Variants in MCF2L observed in about 807,000 individuals in gnomAD.
MCF2L encodes MCF.2 cell line derived transforming sequence like, also known as guanine nucleotide exchange factor DBS.
MCF2L carries 97 observed loss-of-function variants against 153.4 expected under a neutral mutation model. That is an observed-to-expected ratio of 0.63 (90% CI 0.54 to 0.75). The LOEUF (loss-of-function observed/expected upper bound fraction) is 0.75. MCF2L is among the 30% of genes least tolerant of loss of function. The pLI, the probability that MCF2L is intolerant of heterozygous loss-of-function variation, is 0.00. For missense variants in MCF2L, 1,347 were observed against 1,495.2 expected, an observed-to-expected ratio of 0.90 and a Z score of 1.64; for synonymous variants, 659 against 632.2, an observed-to-expected ratio of 1.04 and a Z score of -0.64.
At chr13:113,063,932 T>C (rs979477400) in intron 5 of MCF2L, 4 of 433,848 alleles carry the variant, frequency 9.2e-6, no homozygotes, top group African/African-American at 8.0e-5. Context: ...GGAGCCGTTG[T>C]GCAGGGGAGC....
chr13:113,018,689 G>A (rs9549639), intron 2 of MCF2L, among the ~76,000 whole-genome samples: 43,706 of 152,100 alleles, frequency 0.29, 6,790 homozygotes, highest in South Asian at 0.47. Context: ...AAAACAGGGC[G>A]GGAGAATTTA....
intron 3 of MCF2L, 90 bp downstream of exon 3, chr13:113,024,848 T>C (rs1375748759): frequency 1.5e-5 from 15 of 978,664 alleles, no homozygotes; most frequent in Non-Finnish European, 2.3e-5. Context: ...AACTATGGGA[T>C]GAGGCAGAGT....
intron 2 of MCF2L, among the ~76,000 whole-genome samples, chr13:112,937,836 TCTGAGGTG>T (rs2081531555): frequency 1.4e-5 from 2 of 146,970 alleles, no homozygotes; most frequent in Non-Finnish European, 3.0e-5. Context: ...TCAGGTGAGC[TCTGAGGTG>T]TTGGTTCAGG....
At chr13:112,896,142 A>C (rs1282495250) in intron 1 of MCF2L, among the ~76,000 whole-genome samples, 2 of 152,232 alleles carry the variant, frequency 1.3e-5, no homozygotes, top group African/African-American at 4.8e-5. Context: ...CAGGGCCTGC[A>C]GGCACAGCCA....
In MCF2L at chr13:113,099,421, T is replaced by G. The variant is rs189812865; in HGVS notation, c.*2562T>G. 1 of 152,292 alleles carries G rather than the reference T, an allele frequency of 6.6e-6. No homozygotes were observed. The highest frequency in any genetic ancestry group is 6.5e-5 in the Admixed American group (1 of 15,298). The allele number at this position is 152,292 out of a possible 1,614,324, so 9.4% of individuals were successfully genotyped here. A position where few individuals can be genotyped will look rare whatever the true frequency, so the allele number is the denominator to read the frequency against. On this transcript the variant is annotated 3_prime_UTR_variant, in exon 30 of 30. Transcript: ENST00000535094. ...AACTCACGGGATGCGGGCAGTCTGC[T>G]CTCTAGAACTGGACAGCGTGCACAG...
chr13:113,090,876 CG>C, intron 26 of MCF2L: 1 of 1,160,760 alleles, frequency 8.6e-7, no homozygotes, highest in Non-Finnish European at 1.1e-6. Flanking sequence ...TCCCTAGAGA[CG>C]GGCCCCGAAA....
intron 1 of MCF2L, among the ~76,000 whole-genome samples, chr13:112,992,734 C>A (rs1438602684): frequency 6.6e-6 from 1 of 152,240 alleles, no homozygotes; most frequent in African/African-American, 2.4e-5. Flanking sequence ...GTAACTTACC[C>A]TTCTCCCCTT....
intron 2 of MCF2L, among the ~76,000 whole-genome samples, chr13:112,922,559 G>A (rs1011600141): frequency 2.6e-5 from 4 of 151,750 alleles, no homozygotes; most frequent in African/African-American, 4.8e-5. Flanking sequence ...TCAGCCAGGC[G>A]CAGTGGCTCA....
Position 113,097,292 on chromosome 13 carries a change from C to G in MCF2L, c.*433C>G, listed in dbSNP as rs2035743180. On this transcript the variant is annotated 3_prime_UTR_variant, in exon 30 of 30. Transcript: ENST00000535094. ...TTACAAGTTTTAGGATTTTTTCAAGCAGGGATCAATCCCGTGGCCATTTTT... is the reference window on the plus strand; with the variant it reads ...TTACAAGTTTTAGGATTTTTTCAAGGAGGGATCAATCCCGTGGCCATTTTT... The G allele has an allele frequency of 6.0e-6, 1 of 165,456 alleles. No individual in the cohort carries two copies. Among genetic ancestry groups the G allele is most frequent in the African/African-American group, 2.4e-5 (1 of 42,130 alleles). The allele number at this position is 165,456 out of a possible 1,614,324, so 10.2% of individuals were successfully genotyped here. A position where few individuals can be genotyped will look rare whatever the true frequency, so the allele number is the denominator to read the frequency against.
rs781294325 is a variant in MCF2L at position 113,087,201 on chromosome 13, C to T, written c.2374-34C>T. ...CGCGTCCATGGCCCCAGGCCCATCCCGTCCTGAACACAGCCCTGCTGTCGC... is the reference window on the plus strand; with the variant it reads ...CGCGTCCATGGCCCCAGGCCCATCCTGTCCTGAACACAGCCCTGCTGTCGC... On this transcript the variant is annotated intron_variant, in intron 21 of 29. Transcript: ENST00000535094. The T allele has an allele frequency of 3.0e-5, 47 of 1,571,186 alleles. No individual in the cohort carries two copies. The Admixed American group carries it at 6.2e-4, about 21-fold the overall frequency.
rs144188190 is a variant in MCF2L, at chr13:113,028,602, A to G, written c.278+3844A>G. On this transcript the variant is annotated intron_variant, in intron 3 of 29. Transcript: ENST00000535094. The surrounding 1 kb of genome is among the most constrained non-coding windows in gnomAD (Gnocchi z 5.4). ...AGGTTGCTCAGAGGCAGCTCCATGG[A>G]TCCCCACTGTTCACCTGTGTATGGA... Among the ~76,000 whole-genome samples, 1,043 of 152,314 alleles carry G rather than the reference A, an allele frequency of 6.8e-3. 16 individuals carry two copies. Among genetic ancestry groups the G allele is most frequent in the African/African-American group, 0.024 (1,001 of 41,570 alleles).
At chr13:112,909,417 G>A in intron 2 of MCF2L, 1 of 723,650 alleles carries the variant, frequency 1.4e-6, no homozygotes, top group East Asian at 2.5e-5. Flanking sequence ...GTCTGCAGGG[G>A]TTTGGGGCAG....
intron 2 of MCF2L, among the ~76,000 whole-genome samples, chr13:112,963,317 CA>C (rs1196214005): frequency 6.6e-6 from 1 of 152,234 alleles, no homozygotes; most frequent in East Asian, 1.9e-4. Flanking sequence ...CCTCCTCTGG[CA>C]GGGTCTGACC....
At chr13:113,088,470 C>T (rs768575913) in intron 24 of MCF2L, 65 bp downstream of exon 24, 1 of 1,607,088 alleles carries the variant, frequency 6.2e-7, no homozygotes. Context: ...TACCTATGTT[C>T]AGAGCAACCG....
At chr13:113,066,972 C>G (rs181630196) in intron 8 of MCF2L, among the ~76,000 whole-genome samples, 1 of 152,246 alleles carries the variant, frequency 6.6e-6, no homozygotes, top group African/African-American at 2.4e-5. Flanking sequence ...CCAAGGGCCC[C>G]GGGGACTCGA....
intron 1 of MCF2L, among the ~76,000 whole-genome samples, chr13:112,995,964 C>A (rs2083113232): frequency 6.6e-6 from 1 of 152,174 alleles, no homozygotes; most frequent in Non-Finnish European, 1.5e-5. Context: ...CACAGTACAG[C>A]CCTGCCCTCA....
At chr13:113,090,930 G>T in intron 26 of MCF2L, 7 of 1,192,086 alleles carry the variant, frequency 5.9e-6, no homozygotes, top group Non-Finnish European at 7.4e-6. Flanking sequence ...ATGCCCTCCC[G>T]GCCCCTCCTT....
intron 2 of MCF2L, among the ~76,000 whole-genome samples, chr13:112,925,029 GA>G (rs2081388824): frequency 1.3e-5 from 2 of 152,314 alleles, no homozygotes; most frequent in African/African-American, 4.8e-5. Context: ...TAGCCTCATG[GA>G]AAAAGATGAA....
chr13:112,942,220 T>C (rs1488316086), intron 2 of MCF2L, among the ~76,000 whole-genome samples: 1 of 152,210 alleles, frequency 6.6e-6, no homozygotes, highest in Admixed American at 6.5e-5. Flanking sequence ...ACACCTGGCT[T>C]TCCCTTTTAG....
Sources: allele counts gnomAD v4.1 joint callset (sites outside exome capture counted in the v4.1 genomes callset), GRCh38; gene constraint gnomAD v4.1.1; non-coding constraint Gnocchi (gnomAD v3.1); transcripts MANE v1.5; gene names NCBI Gene and HGNC (gene_info 2026-07-23, HGNC 2026-07-21).